The following EME2 variants were observed in gnomAD, a reference collection of about 807,000 sequenced individuals.
The protein encoded by EME2 is essential meiotic structure-specific endonuclease subunit 2.
A neutral mutation model predicts 41.9 loss-of-function variants in EME2; 58 were observed. The ratio of observed to expected loss-of-function variants is 1.38; its 90% CI spans 1.12 to 1.72. The LOEUF (loss-of-function observed/expected upper bound fraction) is 1.72, where lower values mean the gene tolerates loss of function less well. EME2 is among the 40% of genes most tolerant of loss of function. The pLI is 0.00. For missense variants in EME2, 695 were observed against 541.9 expected (o/e 1.28, Z -2.81); for synonymous variants, 334 against 239.3 (o/e 1.40, Z -3.65).
chr16:1,778,372 G>C lies in EME2; in HGVS notation c.*2134G>C, dbSNP rs745600765. 3 of 1,608,600 alleles carry C rather than the reference G, an allele frequency of 1.9e-6. No individual in the cohort carries two copies. Among genetic ancestry groups the C allele is most frequent in the Non-Finnish European group, 2.5e-6 (3 of 1,178,288 alleles). On this transcript the variant is annotated 3_prime_UTR_variant, in exon 8 of 8. Transcript: ENST00000568449. ...AGCCCTGAGAGCTCCATGGGGCTCTGCCCTGCCCACCCCCAGGCCCGCCCG... is the reference window on the plus strand; with the variant it reads ...AGCCCTGAGAGCTCCATGGGGCTCTCCCCTGCCCACCCCCAGGCCCGCCCG...
Position 1,779,833 on chromosome 16 carries a change from C to T in EME2, c.*3595C>T, listed in dbSNP as rs1373348715. On this transcript the variant is annotated 3_prime_UTR_variant, in exon 8 of 8. Coordinates refer to ENST00000568449, the MANE Select transcript of EME2 (RefSeq NM_001257370.2). ...CACGCCTGCATCCCACAGCCACGAG[C>T]CTGTGAGGCTCAGGCATGTGACCTG... is the stretch of plus-strand genomic sequence containing the variant. The T allele has an allele frequency of 1.3e-5, 2 of 152,238 alleles. No individual in the cohort carries two copies. Among genetic ancestry groups the T allele is most frequent in the Non-Finnish European group, 2.9e-5 (2 of 68,048 alleles). The allele number at this position is 152,238 out of a possible 1,614,324, so 9.4% of individuals were successfully genotyped here.
intron 1 of EME2, 86 bp downstream of exon 1, chr16:1,773,560 G>A: frequency 9.2e-6 from 14 of 1,515,258 alleles, no homozygotes; most frequent in Non-Finnish European, 1.2e-5. Context: ...GGCGGGGCGC[G>A]CGTGCCGAGG....
At chr16:1,775,153 C>T (rs535196030) in intron 4 of EME2, 21 bp downstream of exon 4, 1 of 1,610,422 alleles carries the variant, frequency 6.2e-7, no homozygotes, top group Admixed American at 1.7e-5. Context: ...CTCTCATGCC[C>T]ACAGCAGGGC....
At chr16:1,774,877 C>T (rs2042685177) in intron 3 of EME2, 164 bp from the exon 4 acceptor site, 2 of 681,478 alleles carry the variant, frequency 2.9e-6, no homozygotes, top group South Asian at 1.7e-5. Context: ...TCGTGGGAGG[C>T]ACAGAGCTGG....
chr16:1,776,947 G>C lies in EME2; in HGVS notation c.*709G>C. The C allele has an allele frequency of 1.1e-6, 1 of 901,408 alleles. No individual in the cohort carries two copies. Among genetic ancestry groups the C allele is most frequent in the South Asian group, 1.7e-5 (1 of 58,070 alleles). 55.8% of individuals were successfully genotyped at this position (901,408 alleles called of 1,614,324 possible). ...CCCTAGAGCCCCCACAGAAAGGACTGTCCCAGCCTCGGGAGCAAGAGATGG... is the reference window on the plus strand; with the variant it reads ...CCCTAGAGCCCCCACAGAAAGGACTCTCCCAGCCTCGGGAGCAAGAGATGG... On this transcript the variant is annotated 3_prime_UTR_variant, in exon 8 of 8. Coordinates refer to ENST00000568449, the MANE Select transcript of EME2 (RefSeq NM_001257370.2).
At chr16:1,775,268 A>G (rs1171636446) in intron 4 of EME2, 47 bp from the exon 5 acceptor site, 3 of 1,601,268 alleles carry the variant, frequency 1.9e-6, no homozygotes, top group Non-Finnish European at 2.6e-6. Flanking sequence ...AAGCTCGGGC[A>G]GGGCAGGCCC....
chr16:1,781,410 C>G lies in EME2; in HGVS notation c.*5172C>G. ...AGTGGAGCCTGCTAGAGCCACGGCC[C>G]GGGCATCTGCGTCTCGGCGGGCTGC... On this transcript the variant is annotated 3_prime_UTR_variant, in exon 8 of 8. Coordinates refer to ENST00000568449, the MANE Select transcript of EME2 (RefSeq NM_001257370.2). The G allele has an allele frequency of 1.9e-6, 3 of 1,612,840 alleles. No homozygotes were observed. The highest frequency in any genetic ancestry group is 2.5e-6 in the Non-Finnish European group (3 of 1,179,990).
In EME2 at chr16:1,776,594, C is replaced by T. The variant is rs1004344436; in HGVS notation, c.*356C>T. ...CACCTGGAGGCTTGGGGTGTGGCAC[C>T]CTCAGCCAGAAGCAGTAGGGGACTC... On this transcript the variant is annotated 3_prime_UTR_variant, in exon 8 of 8. Transcript: ENST00000568449. The T allele has an allele frequency of 2.5e-5, 8 of 321,872 alleles. 1 individual carries two copies. In the East Asian group the frequency reaches 4.7e-4, roughly 19 times the overall value. The allele number at this position is 321,872 out of a possible 1,614,324, so 19.9% of individuals were successfully genotyped here.
chr16:1,774,595 C>T (rs1202068454), intron 3 of EME2, among the ~76,000 whole-genome samples: 1 of 152,234 alleles, frequency 6.6e-6, no homozygotes, highest in Non-Finnish European at 1.5e-5. Flanking sequence ...GGCCGGGGTC[C>T]GGGCAGTAGG....
Position 1,780,914 on chromosome 16 carries a change from G to T in EME2, c.*4676G>T. 3.0e-6 allele frequency: 1 copy of T among 331,444 alleles called. No individual in the cohort carries two copies. The highest frequency in any genetic ancestry group is 2.4e-5 in the South Asian group (1 of 42,106). The allele number at this position is 331,444 out of a possible 1,614,324, so 20.5% of individuals were successfully genotyped here. ...CGCCTGACACATTTTTTAAATTTTT[G>T]TAGAGACAGTGTTTCACCATGTTGC... is the stretch of plus-strand genomic sequence containing the variant. On this transcript the variant is annotated 3_prime_UTR_variant, in exon 8 of 8. Coordinates refer to ENST00000568449, the MANE Select transcript of EME2 (RefSeq NM_001257370.2).
intron 1 of EME2, 27 bp downstream of exon 1, chr16:1,773,501 C>T (rs1567226532): frequency 1.9e-6 from 3 of 1,574,926 alleles, no homozygotes; most frequent in Non-Finnish European, 2.6e-6. Flanking sequence ...GGGCGATACT[C>T]GGGGTAGGAA....
In EME2 at chr16:1,781,016, A is replaced by T; in HGVS notation, c.*4778A>T. The T allele has an allele frequency of 1.9e-6, 1 of 530,176 alleles. No homozygotes were observed. Among genetic ancestry groups the T allele is most frequent in the Non-Finnish European group, 3.1e-6 (1 of 325,804 alleles). 32.8% of individuals were successfully genotyped at this position (530,176 alleles called of 1,614,324 possible). ...CCAAAGTGCTAGGATTATAGGTGTG[A>T]GCCACAGTGCCCAGCCCCGTAGTGG... On this transcript the variant is annotated 3_prime_UTR_variant, in exon 8 of 8. Transcript: ENST00000568449.
At chr16:1,774,375 C>T (rs1401340534) in intron 3 of EME2, 23 bp downstream of exon 3, 23 of 1,602,116 alleles carry the variant, frequency 1.4e-5, no homozygotes, top group Admixed American at 1.7e-5. Flanking sequence ...TGGCAGTAGT[C>T]CCTCTCTAAT....
chr16:1,773,110 TCCGCGCCA>T lies in EME2; in HGVS notation c.-117_-110del. 1 of 1,397,104 alleles carries T rather than the reference TCCGCGCCA, an allele frequency of 7.2e-7. No homozygotes were observed. Among genetic ancestry groups the T allele is most frequent in the Non-Finnish European group, 9.3e-7 (1 of 1,080,862 alleles). 86.5% of individuals were successfully genotyped at this position (1,397,104 alleles called of 1,614,324 possible). The stretch of plus-strand genomic sequence containing the variant: ...GCGATCAGCCGCGGACGCACCTTCT[TCCGCGCCA>T]TGGCGGGTCCGCGTCCTCAGCGGTC... On this transcript the variant is annotated 5_prime_UTR_variant, in exon 1 of 8. An upstream start codon of the reference 5' UTR is lost. Transcript: ENST00000568449.
At position 1,776,298 on chromosome 16, in the gene EME2, G is replaced by A. The variant is rs1337529596; in HGVS notation, c.*60G>A. 21 of 1,561,998 alleles carry A rather than the reference G, an allele frequency of 1.3e-5. No individual in the cohort carries two copies. The highest frequency in any genetic ancestry group is 1.1e-4 in the East Asian group (5 of 44,388). ...TGGGGACAGACCAGACACCCTGGGC[G>A]GTGGGGGAGGACCCCCAGCCACATG... On this transcript the variant is annotated 3_prime_UTR_variant, in exon 8 of 8. Coordinates refer to ENST00000568449, the MANE Select transcript of EME2 (RefSeq NM_001257370.2).
chr16:1,777,032 G>C lies in EME2; in HGVS notation c.*794G>C. The C allele has an allele frequency of 6.5e-7, 1 of 1,539,808 alleles. No homozygotes were observed. The highest frequency in any genetic ancestry group is 8.8e-7 in the Non-Finnish European group (1 of 1,135,580). Reference sequence around the variant, plus strand: ...GGAGTGTGGCTGGAAGGAAGGGACAGAGAAAGAAGGGACAGAGGAAAGGGG... The same window carrying C: ...GGAGTGTGGCTGGAAGGAAGGGACACAGAAAGAAGGGACAGAGGAAAGGGG... On this transcript the variant is annotated 3_prime_UTR_variant, in exon 8 of 8. Coordinates refer to ENST00000568449, the MANE Select transcript of EME2 (RefSeq NM_001257370.2).
chr16:1,774,914 A>C, intron 3 of EME2, 127 bp from the exon 4 acceptor site: 1 of 762,130 alleles, frequency 1.3e-6, no homozygotes, highest in Middle Eastern at 3.4e-4. Context: ...AACGGAACAG[A>C]GGCTCCTCTC....
chr16:1,775,416 C>T lies in EME2; in HGVS notation c.663+8C>T, dbSNP rs746179636. Reference sequence around the variant, plus strand: ...TGGCCGGAGGTGGAAGAGGTGAGGGCCTGTCTGAGCTGGGTGAGTCAGGTG... The same window carrying T: ...TGGCCGGAGGTGGAAGAGGTGAGGGTCTGTCTGAGCTGGGTGAGTCAGGTG... On this transcript the variant is annotated splice_region_variant and intron_variant, in intron 5 of 7. Coordinates refer to ENST00000568449, the MANE Select transcript of EME2 (RefSeq NM_001257370.2). 6.2e-7 allele frequency: 1 copy of T among 1,612,210 alleles called. No homozygotes were observed. Among genetic ancestry groups the T allele is most frequent in the South Asian group, 1.1e-5 (1 of 90,986 alleles).
At position 1,773,105 on chromosome 16, in the gene EME2, C is replaced by G; in HGVS notation, c.-123C>G. ...GCTCCGCGATCAGCCGCGGACGCACCTTCTTCCGCGCCATGGCGGGTCCGC... is the reference window on the plus strand; with the variant it reads ...GCTCCGCGATCAGCCGCGGACGCACGTTCTTCCGCGCCATGGCGGGTCCGC... On this transcript the variant is annotated 5_prime_UTR_variant, in exon 1 of 8. Transcript: ENST00000568449. 7.1e-7 allele frequency: 1 copy of G among 1,399,448 alleles called. No homozygotes were observed. Among genetic ancestry groups the G allele is most frequent in the Non-Finnish European group, 9.2e-7 (1 of 1,082,142 alleles). The allele number at this position is 1,399,448 out of a possible 1,614,324, so 86.7% of individuals were successfully genotyped here. A position where few individuals can be genotyped will look rare whatever the true frequency, so the allele number is the denominator to read the frequency against.
Sources: gnomAD v4.1 joint callset for allele counts (sites outside exome capture counted in the v4.1 genomes callset) on GRCh38, gnomAD v4.1.1 for gene constraint, MANE v1.5 for transcripts, NCBI Gene and HGNC (gene_info 2026-07-23, HGNC 2026-07-21) for gene names.